SUGCT: variants seen among roughly 807,000 people sequenced by gnomAD.
SUGCT encodes succinyl-CoA:glutarate CoA-transferase.
In SUGCT, 41 loss-of-function variants were observed where a neutral mutation model predicts 55.0. The observed-to-expected ratio is 0.74, with a 90% confidence interval of 0.58 to 0.97. The LOEUF is 0.97. Ranked by LOEUF, SUGCT falls within the 50% of genes least tolerant of loss-of-function variation. The probability of loss-of-function intolerance (pLI) is 0.00; values close to 1 mark genes in which losing one functional copy is unlikely to be tolerated. For missense variants in SUGCT, 568 were observed against 547.8 expected (o/e 1.04, Z -0.37); for synonymous variants, 187 against 200.4 (o/e 0.93, Z 0.56).
intron 12 of SUGCT, among the ~76,000 whole-genome samples, chr7:40,547,593 G>T (rs1459419093): frequency 1.3e-5 from 2 of 152,032 alleles, no homozygotes; most frequent in African/African-American, 4.8e-5. Context: ...TTATCTTTCA[G>T]CTCTTATTTG....
chr7:40,287,912 C>G (rs183969595), intron 8 of SUGCT, among the ~76,000 whole-genome samples: 537 of 152,104 alleles, frequency 3.5e-3, no homozygotes, highest in Non-Finnish European at 5.3e-3. Context: ...TGACTATTGA[C>G]ATGATGATTT....
At chr7:41,019,918 G>T in the SUGCT span, among the ~76,000 whole-genome samples, 1 of 152,152 alleles carries the variant, frequency 6.6e-6, no homozygotes, top group Non-Finnish European at 1.5e-5. Context: ...TTGGATATGA[G>T]GTACCTCCCC....
intron 12 of SUGCT, among the ~76,000 whole-genome samples, chr7:40,558,231 A>T (rs890962703): frequency 3.3e-5 from 5 of 152,212 alleles, no homozygotes; most frequent in African/African-American, 1.2e-4. Flanking sequence ...GAAGTTAAAC[A>T]TAAAATTATT....
At chr7:40,777,419 A>T (rs766808229) in intron 13 of SUGCT, among the ~76,000 whole-genome samples, 1 of 151,678 alleles carries the variant, frequency 6.6e-6, no homozygotes, top group African/African-American at 2.4e-5. Flanking sequence ...TCTGATGTGA[A>T]TGGCCACATT....
chr7:40,450,342 A>G (rs1264835989), intron 10 of SUGCT, among the ~76,000 whole-genome samples: 1 of 151,904 alleles, frequency 6.6e-6, no homozygotes. Flanking sequence ...TAATCCAAGT[A>G]ATAGAATTTC....
chr7:40,249,325 A>ATATCTATATATATATATC (rs1562612058), intron 7 of SUGCT, among the ~76,000 whole-genome samples: 6 of 117,376 alleles, frequency 5.1e-5, no homozygotes, highest in Non-Finnish European at 1.1e-4. Flanking sequence ...ATATATATAT[A>ATATCTATATATATATATC]TATATATATA....
chr7:40,853,907 T>C (rs756068143), intron 13 of SUGCT, among the ~76,000 whole-genome samples: 8 of 151,992 alleles, frequency 5.3e-5, no homozygotes, highest in Non-Finnish European at 8.8e-5. Context: ...ATGAAAAGCA[T>C]TGAAGGCCCA....
chr7:40,747,439 A>C (rs954309969), intron 12 of SUGCT, among the ~76,000 whole-genome samples: 2 of 152,230 alleles, frequency 1.3e-5, no homozygotes, highest in Non-Finnish European at 2.9e-5. Context: ...GTGAGAAAAC[A>C]TTTTATTACT....
the SUGCT span, among the ~76,000 whole-genome samples, chr7:40,977,608 C>T: frequency 6.6e-6 from 1 of 152,148 alleles, no homozygotes; most frequent in Non-Finnish European, 1.5e-5. Flanking sequence ...AACAAGCTTA[C>T]AAGGTGGCTG....
chr7:40,422,663 G>T lies in SUGCT; in HGVS notation c.817-26624G>T, dbSNP rs1446779870. Among the ~76,000 whole-genome samples, 3 of 152,060 alleles carry T rather than the reference G, an allele frequency of 2.0e-5. No homozygotes were observed. The East Asian group carries it at 5.8e-4, about 29-fold the overall frequency. ...TCCTTAAATAAAGTAGGCACTCAAT[G>T]AATATTTGTTGAATTAAACATCAGG... On this transcript the variant is annotated intron_variant, in intron 9 of 13. Coordinates refer to ENST00000335693, the MANE Select transcript of SUGCT (RefSeq NM_001193313.2).
intron 1 of SUGCT, among the ~76,000 whole-genome samples, chr7:40,135,539 G>A (rs1787636663): frequency 6.6e-6 from 1 of 152,262 alleles, no homozygotes; most frequent in African/African-American, 2.4e-5. Flanking sequence ...ACAGTTACCT[G>A]TTGCAGAATT....
chr7:40,885,173 C>T, the SUGCT span, among the ~76,000 whole-genome samples: 299 of 152,116 alleles, frequency 2.0e-3, 5 homozygotes, highest in African/African-American at 6.8e-3. Flanking sequence ...ATGGTGGTAA[C>T]GGCAGTAGAA....
chr7:40,854,419 C>CCCTTCTTTCTTTCTTT (rs1794036371), intron 13 of SUGCT, among the ~76,000 whole-genome samples: 2 of 88,804 alleles, frequency 2.3e-5, no homozygotes, highest in African/African-American at 9.4e-5. Context: ...TTCTTTCTTT[C>CCCTTCTTTCTTTCTTT]CTTTCTTTCT....
At chr7:40,622,528 G>GTTTTTTTT (rs370877783) in intron 12 of SUGCT, among the ~76,000 whole-genome samples, 37 of 81,826 alleles carry the variant, frequency 4.5e-4, no homozygotes, top group African/African-American at 1.3e-3. Flanking sequence ...TGTTGTGGTT[G>GTTTTTTTT]TTTTTTTTTT....
At chr7:40,523,902 T>A (rs1793678786) in intron 12 of SUGCT, among the ~76,000 whole-genome samples, 1 of 152,124 alleles carries the variant, frequency 6.6e-6, no homozygotes, top group Non-Finnish European at 1.5e-5. Context: ...TTTTTTCTTT[T>A]AAAACAAATG....
At chr7:40,160,852 A>T (rs1318507434) in intron 1 of SUGCT, among the ~76,000 whole-genome samples, 6 of 152,142 alleles carry the variant, frequency 3.9e-5, no homozygotes, top group Admixed American at 3.9e-4. Flanking sequence ...AAACTCCACA[A>T]ACCCAGGAGA....
intron 11 of SUGCT, among the ~76,000 whole-genome samples, chr7:40,475,023 A>G (rs1298362242): frequency 6.6e-6 from 1 of 152,176 alleles, no homozygotes; most frequent in African/African-American, 2.4e-5. Flanking sequence ...AATGAAGTCT[A>G]AGTTTTCACT....
intron 7 of SUGCT, among the ~76,000 whole-genome samples, chr7:40,239,457 A>T (rs1204221275): frequency 6.6e-6 from 1 of 152,200 alleles, no homozygotes; most frequent in Non-Finnish European, 1.5e-5. Context: ...TCATTGCTCA[A>T]TTCCATAGGC....
intron 12 of SUGCT, among the ~76,000 whole-genome samples, chr7:40,601,841 AC>A (rs1562892591): frequency 6.6e-6 from 1 of 151,984 alleles, no homozygotes; most frequent in Non-Finnish European, 1.5e-5. Flanking sequence ...AAGATTGGAC[AC>A]CCTTTTTCTA....
Sources: gnomAD v4.1 joint callset for allele counts (sites outside exome capture counted in the v4.1 genomes callset) on GRCh38, gnomAD v4.1.1 for gene constraint, MANE v1.5 for transcripts, NCBI Gene and HGNC (gene_info 2026-07-23, HGNC 2026-07-21) for gene names.